GRM5: variants seen among roughly 807,000 people sequenced by gnomAD.
The protein encoded by GRM5 is glutamate metabotropic receptor 5, also known as metabotropic glutamate receptor 5.
A neutral mutation model predicts 83.1 loss-of-function variants in GRM5; 19 were observed. The observed-to-expected ratio is 0.23, with a 90% CI of 0.16 to 0.34. The LOEUF (loss-of-function observed/expected upper bound fraction) is 0.34. Ranked by LOEUF, GRM5 falls within the 10% of genes least tolerant of loss-of-function variation. GRM5 has a pLI of 1.00. For synonymous variants in GRM5, 675 were observed against 633.6 expected (o/e 1.07, Z -0.98); for missense variants, 1,160 against 1,588.3 (o/e 0.73, Z 4.58).
chr11:88,848,897 A>T lies in GRM5; in HGVS notation c.911+1009T>A, dbSNP rs140342750. 1.2e-4 allele frequency among the ~76,000 whole-genome samples: 19 copies of T among 152,338 alleles called. No homozygotes were observed. In the East Asian group the frequency reaches 2.7e-3, roughly 22 times the overall value. On this transcript the variant is annotated intron_variant, in intron 3 of 9. Transcript: ENST00000305447. ...ACAATCAACTGAAGACCTGAATAGT[A>T]TTAAAAGGCTAAGAGGTAATGTTTT...
Position 88,670,563 on chromosome 11 carries a change from G to A in GRM5, c.912-17160C>T, listed in dbSNP as rs144009113. On this transcript the variant is annotated intron_variant, in intron 3 of 9. Coordinates refer to ENST00000305447, the MANE Select transcript of GRM5 (RefSeq NM_001143831.3). ...CTAGATAGGCAAAAAGTCTGAAAAC[G>A]ACTCATATTTAAAGTATATGAATAA... Among the ~76,000 whole-genome samples, 437 of 128,010 alleles carry A rather than the reference G, an allele frequency of 3.4e-3. 2 individuals carry two copies. The highest frequency in any genetic ancestry group is 0.011 in the African/African-American group (404 of 35,500). 84.0% of individuals were successfully genotyped at this position (128,010 alleles called of 152,430 possible).
At chr11:88,520,064 GT>G (rs1267819047) in intron 9 of GRM5, among the ~76,000 whole-genome samples, 1 of 152,096 alleles carries the variant, frequency 6.6e-6, no homozygotes, top group Non-Finnish European at 1.5e-5. Flanking sequence ...TACTGTGTAT[GT>G]TATTTTATTT....
intron 2 of GRM5, 151 bp from the exon 3 acceptor site, chr11:88,850,306 G>T (rs564073399): frequency 5.6e-6 from 4 of 714,038 alleles, no homozygotes; most frequent in Non-Finnish European, 4.7e-6. Context: ...CTCTTTTGCC[G>T]AATTGCTTAT....
At chr11:88,859,096 T>A (rs1246011442) in intron 2 of GRM5, among the ~76,000 whole-genome samples, 2 of 152,022 alleles carry the variant, frequency 1.3e-5, no homozygotes, top group African/African-American at 4.8e-5. Context: ...TAAAACACTC[T>A]GTTGAAAACT....
At chr11:88,866,678 A>T (rs1358565018) in intron 2 of GRM5, among the ~76,000 whole-genome samples, 2 of 152,112 alleles carry the variant, frequency 1.3e-5, no homozygotes, top group Non-Finnish European at 2.9e-5. Context: ...AGAGTTTGAC[A>T]TTCTCCTGGA....
intron 3 of GRM5, among the ~76,000 whole-genome samples, chr11:88,830,647 C>G (rs1416075799): frequency 1.3e-5 from 2 of 152,142 alleles, no homozygotes; most frequent in Admixed American, 6.6e-5. Flanking sequence ...CTTGCCAGAG[C>G]CGTTCTACCC....
Position 88,730,352 on chromosome 11 carries a change from T to C in GRM5, c.912-76949A>G, listed in dbSNP as rs1941779712. On this transcript the variant is annotated intron_variant, in intron 3 of 9. Transcript: ENST00000305447. ...CATCTCATGCCAATTAGAATGGCGA[T>C]TATTAAAAAGTCAGGAAACATGCTG... Among the ~76,000 whole-genome samples the C allele has an allele frequency of 1.3e-5, 2 of 152,088 alleles. 1 individual carries two copies. The highest frequency in any genetic ancestry group is 4.1e-4 in the South Asian group (2 of 4,826).
chr11:88,802,182 G>T (rs2135487500), intron 3 of GRM5, among the ~76,000 whole-genome samples: 2 of 152,168 alleles, frequency 1.3e-5, no homozygotes, highest in South Asian at 4.1e-4. Flanking sequence ...TAAAGACAAA[G>T]AACTAAGAAA....
chr11:88,831,220 G>A (rs1003358962), intron 3 of GRM5, among the ~76,000 whole-genome samples: 1 of 152,232 alleles, frequency 6.6e-6, no homozygotes, highest in Non-Finnish European at 1.5e-5. Flanking sequence ...GATCACAGAT[G>A]GATGCTGCTG....
chr11:88,684,273 G>A (rs1028363588), intron 3 of GRM5, among the ~76,000 whole-genome samples: 2 of 152,118 alleles, frequency 1.3e-5, no homozygotes, highest in African/African-American at 4.8e-5. Context: ...GAAACCATTG[G>A]AATGTTTTAA....
intron 2 of GRM5, among the ~76,000 whole-genome samples, chr11:88,962,788 G>A (rs1938823767): frequency 6.6e-6 from 1 of 152,144 alleles, no homozygotes; most frequent in African/African-American, 2.4e-5. Context: ...GTGGAGAGAA[G>A]CAGTTCAATA....
At chr11:88,645,626 T>G (rs574319435) in intron 4 of GRM5, among the ~76,000 whole-genome samples, 23 of 152,236 alleles carry the variant, frequency 1.5e-4, no homozygotes, top group South Asian at 1.0e-3. Flanking sequence ...TCTTTAAGAA[T>G]GGGAGTAACA....
chr11:89,000,652 A>C (rs1940347615), intron 2 of GRM5, among the ~76,000 whole-genome samples: 1 of 152,192 alleles, frequency 6.6e-6, no homozygotes, highest in Non-Finnish European at 1.5e-5. Context: ...AAGAGCACTT[A>C]AATTTGACAC....
intron 3 of GRM5, among the ~76,000 whole-genome samples, chr11:88,762,010 G>C (rs1354908598): frequency 2.0e-5 from 3 of 152,170 alleles, no homozygotes; most frequent in Admixed American, 1.3e-4. Flanking sequence ...GATTCAAACT[G>C]TTCCCCTTTC....
chr11:89,018,192 T>A (rs1940904238), intron 2 of GRM5, among the ~76,000 whole-genome samples: 1 of 152,184 alleles, frequency 6.6e-6, no homozygotes, highest in Non-Finnish European at 1.5e-5. Flanking sequence ...ATTTAGTGAA[T>A]GAAGCTCACA....
chr11:88,654,208 A>G (rs1939710233), intron 3 of GRM5, among the ~76,000 whole-genome samples: 1 of 152,172 alleles, frequency 6.6e-6, no homozygotes, highest in Non-Finnish European at 1.5e-5. Flanking sequence ...TTGAAATCAG[A>G]GGGCTCATAA....
chr11:88,601,587 T>C (rs1383559360), intron 5 of GRM5, among the ~76,000 whole-genome samples: 6 of 152,170 alleles, frequency 3.9e-5, no homozygotes, highest in Admixed American at 3.9e-4. Context: ...CAAATTCTTT[T>C]TCATTTTTGC....
chr11:88,704,012 A>C (rs149998205), intron 3 of GRM5, among the ~76,000 whole-genome samples: 1 of 151,986 alleles, frequency 6.6e-6, no homozygotes, highest in South Asian at 2.1e-4. Context: ...TAGTAGCTTC[A>C]GTGTTTGGTG....
chr11:88,721,063 C>T (rs929805607), intron 3 of GRM5, among the ~76,000 whole-genome samples: 4 of 151,958 alleles, frequency 2.6e-5, no homozygotes, highest in Non-Finnish European at 4.4e-5. Context: ...ATTCTTTAAC[C>T]TTCCTGAAAT....
Sources: gnomAD v4.1 joint callset for allele counts (sites outside exome capture counted in the v4.1 genomes callset) on GRCh38, gnomAD v4.1.1 for gene constraint, MANE v1.5 for transcripts, NCBI Gene and HGNC (gene_info 2026-07-23, HGNC 2026-07-21) for gene names.